Variants in INPP5B observed in about 807,000 individuals in gnomAD.
INPP5B encodes the protein type II inositol 1,4,5-trisphosphate 5-phosphatase.
In INPP5B, 90 loss-of-function variants were observed where a neutral mutation model predicts 118.5. The observed-to-expected ratio is 0.76, with a 90% CI of 0.64 to 0.90. The LOEUF is 0.90. Ranked by LOEUF, INPP5B falls within the 40% of genes least tolerant of loss-of-function variation. The pLI is 0.00. For missense variants in INPP5B, 984 were observed against 1,125.6 expected, an observed-to-expected ratio of 0.87 and a Z score of 1.80; for synonymous variants, 385 against 418.9, an observed-to-expected ratio of 0.92 and a Z score of 0.99.
At chr1:37,880,266 A>C (rs758563442) in intron 14 of INPP5B, 72 bp from the exon 15 acceptor site, 1 of 1,121,878 alleles carries the variant, frequency 8.9e-7, no homozygotes, top group African/African-American at 1.5e-5. Flanking sequence ...GGAGAAAAGC[A>C]TATCAATCTG....
Position 37,895,794 on chromosome 1 carries a change from C to T in INPP5B, c.533-4340G>A, listed in dbSNP as rs544068794. Among the ~76,000 whole-genome samples, 749 of 152,354 alleles carry T rather than the reference C, an allele frequency of 4.9e-3. 5 individuals carry two copies. The highest frequency in any genetic ancestry group is 0.017 in the African/African-American group (710 of 41,586). On this transcript the variant is annotated intron_variant, in intron 7 of 23. Transcript: ENST00000373024. ...CCTCCTGAGGTGCCGGGATTGCAGA[C>T]GGAGTCTCGTTCACTCAGTGCTCAA...
chr1:37,884,774 AC>A (rs1162577811), intron 13 of INPP5B, among the ~76,000 whole-genome samples: 1 of 151,326 alleles, frequency 6.6e-6, no homozygotes, highest in Non-Finnish European at 1.5e-5. Flanking sequence ...ACATGGTGAA[AC>A]CCCACTCTCT....
At chr1:37,920,493 T>C (rs914206640) in intron 7 of INPP5B, among the ~76,000 whole-genome samples, 3 of 151,780 alleles carry the variant, frequency 2.0e-5, no homozygotes, top group Non-Finnish European at 4.4e-5. Context: ...GGAGAAACCC[T>C]GTCTCTACTA....
chr1:37,865,886 C>A lies in INPP5B; in HGVS notation c.2389G>T (p.Ala797Ser), dbSNP rs1164629396. The part of the protein sequence containing the change: ...LDTGMIDNLS[A>S]SNHSVAEALL... ...GCTTCGGCTACAGAATGATTGCTGG[C>A]AGCTTTTGGCCCCATTGTTAAGGAA... Residue 797 changes from alanine to serine, a missense_variant and splice_region_variant, in exon 22 of 24, where the codon GCC becomes TCC. By Grantham distance (99) the Ala-to-Ser change is moderately conservative (BLOSUM62 1). This residue lies in a region of INPP5B where 634 missense variants were observed against 791.0 expected (regional missense o/e 0.80). Transcript: ENST00000373024. The A allele has an allele frequency of 3.7e-6, 6 of 1,612,516 alleles. No homozygotes were observed. The highest frequency in any genetic ancestry group is 4.2e-6 in the Non-Finnish European group (5 of 1,179,138).
At chr1:37,888,525 G>GT (rs1643666489) in intron 9 of INPP5B, among the ~76,000 whole-genome samples, 181 bp from the exon 10 acceptor site, 4 of 152,152 alleles carry the variant, frequency 2.6e-5, no homozygotes, top group South Asian at 2.1e-4. Flanking sequence ...GTCTGTCATG[G>GT]TATCTGTTAC....
chr1:37,896,993 C>A (rs1201343560), intron 7 of INPP5B, among the ~76,000 whole-genome samples: 3 of 118,288 alleles, frequency 2.5e-5, no homozygotes, highest in Non-Finnish European at 3.9e-5. Flanking sequence ...GGGGGGTCAG[C>A]CCCCCGCCCG....
chr1:37,862,025 A>C lies in INPP5B; in HGVS notation c.*290T>G, dbSNP rs1198993314. ...CACTCCACCCTGCGCGACAGAGCAA[A>C]ACTCCGTCTCAAAATAAAAAAAAAT... On this transcript the variant is annotated 3_prime_UTR_variant, in exon 24 of 24. Coordinates refer to ENST00000373024, the MANE Select transcript of INPP5B (RefSeq NM_005540.3). 3.8e-6 allele frequency: 1 copy of C among 266,246 alleles called. No homozygotes were observed. The highest frequency in any genetic ancestry group is 2.3e-5 in the African/African-American group (1 of 44,424). 16.5% of individuals were successfully genotyped at this position (266,246 alleles called of 1,614,324 possible). A position where few individuals can be genotyped will look rare whatever the true frequency, so the allele number is the denominator to read the frequency against.
rs1296649412 is a variant in INPP5B at position 37,860,793 on chromosome 1, C to T, written c.*1522G>A. On this transcript the variant is annotated 3_prime_UTR_variant, in exon 24 of 24. Coordinates refer to ENST00000373024, the MANE Select transcript of INPP5B (RefSeq NM_005540.3). Reference sequence around the variant, plus strand: ...AGACTTGCTGGCCCAGAAAATCCCACTTGTTTCACCGAACACTCATTTTTT... The same window carrying T: ...AGACTTGCTGGCCCAGAAAATCCCATTTGTTTCACCGAACACTCATTTTTT... 1 of 152,244 alleles carries T rather than the reference C, an allele frequency of 6.6e-6. No homozygotes were observed. The highest frequency in any genetic ancestry group is 1.9e-4 in the East Asian group (1 of 5,202). 9.4% of individuals were successfully genotyped at this position (152,244 alleles called of 1,614,324 possible).
Position 37,882,964 on chromosome 1 carries a change from A to G in INPP5B, c.1320-46T>C, listed in dbSNP as rs375174033. The G allele has an allele frequency of 1.9e-6, 3 of 1,611,726 alleles. No homozygotes were observed. In the African/African-American group the frequency reaches 4.0e-5, roughly 22 times the overall value. On this transcript the variant is annotated intron_variant, in intron 13 of 23. Transcript: ENST00000373024. ...GGTAACAGGGTTTAGGAGGAACTTT[A>G]ACCTGATCTACCCAGGGTGCTTCTG...
In INPP5B at chr1:37,862,324, G is replaced by C. The variant is rs1341427298; in HGVS notation, c.2733C>G (p.Asn911Lys). The C allele has an allele frequency of 1.2e-6, 2 of 1,609,428 alleles. No individual in the cohort carries two copies. The highest frequency in any genetic ancestry group is 8.5e-7 in the Non-Finnish European group (1 of 1,175,664). ...AQEFIHQFLC[N>K]PL ...AGGAGGAGAGAGAGGCTCAGAGTGGGTTGCAGAGGAACTGGTGAATAAATT... is the reference window on the plus strand; with the variant it reads ...AGGAGGAGAGAGAGGCTCAGAGTGGCTTGCAGAGGAACTGGTGAATAAATT... The change falls in exon 24 of 24, where the codon AAC becomes AAG. Residue 911 changes from asparagine (N) to lysine (K), a missense_variant. Around this residue, in one of 2 missense-constraint regions of INPP5B, gnomAD observed 634 missense variants for 791.0 expected, o/e 0.80. Coordinates refer to ENST00000373024, the MANE Select transcript of INPP5B (RefSeq NM_005540.3).
intron 7 of INPP5B, among the ~76,000 whole-genome samples, chr1:37,899,505 T>C (rs1160619233): frequency 1.3e-5 from 2 of 151,904 alleles, no homozygotes; most frequent in East Asian, 3.9e-4. Flanking sequence ...GAGGTTGCGG[T>C]GAGCCGAGAT....
intron 19 of INPP5B, among the ~76,000 whole-genome samples, chr1:37,871,800 G>C (rs923712199): frequency 6.6e-6 from 1 of 151,776 alleles, no homozygotes; most frequent in Non-Finnish European, 1.5e-5. Flanking sequence ...GGGAGGCTGA[G>C]ATGGGAGAAT....
intron 7 of INPP5B, among the ~76,000 whole-genome samples, chr1:37,899,302 T>C (rs993824461): frequency 6.6e-6 from 1 of 151,892 alleles, no homozygotes; most frequent in Non-Finnish European, 1.5e-5. Context: ...GGCTCACACC[T>C]GTAATCCCAA....
At chr1:37,915,055 T>C (rs1644820159) in intron 7 of INPP5B, among the ~76,000 whole-genome samples, 1 of 152,196 alleles carries the variant, frequency 6.6e-6, no homozygotes, top group South Asian at 2.1e-4. Flanking sequence ...TTGCGATGTG[T>C]AAAAGTGCAA....
chr1:37,918,405 C>G (rs901827437), intron 7 of INPP5B, among the ~76,000 whole-genome samples: 1 of 152,210 alleles, frequency 6.6e-6, no homozygotes, highest in Non-Finnish European at 1.5e-5. Flanking sequence ...ATTCTTCACA[C>G]ATGCCATCCG....
At position 37,887,347 on chromosome 1, in the gene INPP5B, T is replaced by C. The variant is rs377353323; in HGVS notation, c.1014+4A>G. The C allele has an allele frequency of 3.2e-6, 5 of 1,554,836 alleles. No individual in the cohort carries two copies. In the South Asian group the frequency reaches 3.4e-5, roughly 11 times the overall value. ...AATTAAGAGGTCCCTGACTCCTCTC[T>C]TACCTTTGCATATTTGGCATCTGGA... On this transcript the variant is annotated splice_donor_region_variant and intron_variant, in intron 11 of 23. Coordinates refer to ENST00000373024, the MANE Select transcript of INPP5B (RefSeq NM_005540.3).
chr1:37,899,172 A>ACTCTGC (rs1275371278), intron 7 of INPP5B, among the ~76,000 whole-genome samples: 1 of 96,050 alleles, frequency 1.0e-5, no homozygotes, highest in Non-Finnish European at 2.1e-5. Flanking sequence ...CAAGAGTGAA[A>ACTCTGC]CTGTCAAAAA....
rs770631435 is a variant in INPP5B, at chr1:37,866,402, T to TCA, written c.2386+56_2386+57insTG. The TCA allele has an allele frequency of 8.1e-5, 55 of 681,884 alleles. No homozygotes were observed. In the Middle Eastern group the frequency reaches 1.2e-3, roughly 15 times the overall value. 42.2% of individuals were successfully genotyped at this position (681,884 alleles called of 1,614,324 possible). On this transcript the variant is annotated intron_variant, in intron 21 of 23. Transcript: ENST00000373024. ...CACTCATATTCTCTCTCTCTCTCTC[T>TCA]CTCTCACACACACACACACACACAC...
chr1:37,923,520 A>G (rs1645124004), intron 7 of INPP5B, among the ~76,000 whole-genome samples: 1 of 152,212 alleles, frequency 6.6e-6, no homozygotes, highest in Non-Finnish European at 1.5e-5. Context: ...TGTTCTAAGG[A>G]GATCCCTAAA....
Sources: allele counts gnomAD v4.1 joint callset (sites outside exome capture counted in the v4.1 genomes callset), GRCh38; gene constraint gnomAD v4.1.1; regional missense constraint gnomAD v4.1.1; transcripts MANE v1.5; gene names NCBI Gene and HGNC (gene_info 2026-07-23, HGNC 2026-07-21).